FAM107B: variants seen among roughly 807,000 people sequenced by gnomAD.
FAM107B encodes protein FAM107B.
FAM107B carries 21 observed loss-of-function variants against 31.5 expected under a neutral mutation model. That is an observed-to-expected ratio of 0.67 (90% confidence interval 0.47 to 0.96). The LOEUF (loss-of-function observed/expected upper bound fraction) is 0.96. FAM107B is among the 40% of genes least tolerant of loss of function. FAM107B has a pLI of 0.00. For missense variants in FAM107B, 452 were observed against 377.1 expected (o/e 1.20, Z -1.64); for synonymous variants, 157 against 141.5 (o/e 1.11, Z -0.78).
chr10:14,701,710 A>AGTT (rs1446356989), intron 1 of FAM107B, among the ~76,000 whole-genome samples: 2 of 150,096 alleles, frequency 1.3e-5, no homozygotes, highest in African/African-American at 4.8e-5. Context: ...CTAGGCAAAG[A>AGTT]GTTGTTTTTT....
chr10:14,715,177 GT>G (rs988015766), intron 1 of FAM107B, among the ~76,000 whole-genome samples: 15 of 152,136 alleles, frequency 9.9e-5, no homozygotes, highest in Non-Finnish European at 1.9e-4. Context: ...AATACAAAGA[GT>G]GGGGGAAATA....
intron 2 of FAM107B, among the ~76,000 whole-genome samples, chr10:14,594,123 T>C (rs1368413379): frequency 6.6e-6 from 1 of 152,232 alleles, no homozygotes; most frequent in East Asian, 1.9e-4. Context: ...ATTCTGACAC[T>C]ATGCCTAAGA....
chr10:14,626,080 C>T (rs1426699142), intron 2 of FAM107B, among the ~76,000 whole-genome samples: 2 of 152,022 alleles, frequency 1.3e-5, no homozygotes, highest in South Asian at 2.1e-4. Flanking sequence ...CTTTTAAGAC[C>T]GTGGTTGTTT....
intron 1 of FAM107B, among the ~76,000 whole-genome samples, chr10:14,727,093 T>G (rs1856052894): frequency 6.6e-6 from 1 of 152,062 alleles, no homozygotes; most frequent in African/African-American, 2.4e-5. Context: ...GGGTTCACGC[T>G]TCTGTGAGTA....
chr10:14,723,668 C>G (rs1440023051), intron 1 of FAM107B: 2 of 740,368 alleles, frequency 2.7e-6, no homozygotes, highest in Non-Finnish European at 2.5e-6. Context: ...GGCTGGCAGT[C>G]AGCTCTGGGG....
At chr10:14,633,513 G>T (rs888489427) in intron 2 of FAM107B, among the ~76,000 whole-genome samples, 10 of 152,142 alleles carry the variant, frequency 6.6e-5, no homozygotes, top group African/African-American at 1.4e-4. Context: ...TTATTTCATT[G>T]ATTCATTCTT....
At chr10:14,647,623 T>A (rs1202907524) in intron 2 of FAM107B, among the ~76,000 whole-genome samples, 1 of 148,484 alleles carries the variant, frequency 6.7e-6, no homozygotes, top group Non-Finnish European at 1.5e-5. Context: ...AGGCGGAGGT[T>A]GCAGAGGAGC....
At chr10:14,714,380 G>T (rs901215881) in intron 1 of FAM107B, among the ~76,000 whole-genome samples, 5 of 152,230 alleles carry the variant, frequency 3.3e-5, no homozygotes, top group Admixed American at 2.0e-4. Context: ...CAGAGGTTTG[G>T]TGGACTGGCA....
intron 3 of FAM107B, among the ~76,000 whole-genome samples, chr10:14,523,705 A>G (rs1483651825): frequency 2.0e-5 from 3 of 152,330 alleles, no homozygotes; most frequent in Middle Eastern, 3.4e-3. Context: ...TGATCCCTTT[A>G]AAGTCCACAC....
chr10:14,537,962 C>T (rs1041144860), intron 2 of FAM107B, among the ~76,000 whole-genome samples: 1 of 152,056 alleles, frequency 6.6e-6, no homozygotes, highest in African/African-American at 2.4e-5. Flanking sequence ...AACAATAATG[C>T]TGTCACTGCT....
At chr10:14,661,293 G>C (rs928255286) in intron 2 of FAM107B, among the ~76,000 whole-genome samples, 2 of 152,160 alleles carry the variant, frequency 1.3e-5, no homozygotes, top group African/African-American at 2.4e-5. Flanking sequence ...CTGCGCTAAG[G>C]GGTGCCCAGA....
intron 2 of FAM107B, among the ~76,000 whole-genome samples, chr10:14,624,836 T>G (rs1365196822): frequency 6.6e-6 from 1 of 152,202 alleles, no homozygotes; most frequent in Non-Finnish European, 1.5e-5. Context: ...AGCACATACA[T>G]AAGGAAGTTC....
rs545685900 is a variant in FAM107B, at chr10:14,770,636, A to G, written c.411+3617T>C. Among the ~76,000 whole-genome samples the G allele has an allele frequency of 3.4e-3, 522 of 152,330 alleles. 2 individuals are homozygous for G. Among genetic ancestry groups the G allele is most frequent in the African/African-American group, 0.012 (490 of 41,568 alleles). On this transcript the variant is annotated intron_variant, in intron 1 of 4. Coordinates refer to ENST00000181796, the MANE Select transcript of FAM107B (RefSeq NM_031453.4). ...CAACTACAAGACCACTAAGAAGGGG[A>G]AAAGTTATCATTAAGAGGTACTAAC...
At chr10:14,590,701 G>T (rs1851986429) in intron 2 of FAM107B, among the ~76,000 whole-genome samples, 1 of 152,054 alleles carries the variant, frequency 6.6e-6, no homozygotes, top group African/African-American at 2.4e-5. Flanking sequence ...CCATTTCTCA[G>T]CCAGGCGTAG....
intron 1 of FAM107B, among the ~76,000 whole-genome samples, chr10:14,735,477 C>T (rs995542496): frequency 2.0e-5 from 3 of 152,134 alleles, no homozygotes; most frequent in Non-Finnish European, 2.9e-5. Context: ...CAAGATGATT[C>T]CTCAGGATGT....
intron 1 of FAM107B, among the ~76,000 whole-genome samples, chr10:14,743,136 T>A (rs535334480): frequency 5.0e-4 from 76 of 152,226 alleles, no homozygotes; most frequent in Non-Finnish European, 1.0e-3. Context: ...TTGAGCTTTT[T>A]TTCATATGTT....
intron 2 of FAM107B, chr10:14,572,235 G>T: frequency 1.0e-6 from 1 of 985,430 alleles, no homozygotes; most frequent in Non-Finnish European, 1.2e-6. Flanking sequence ...TGACCTTCCA[G>T]ACCAAGAGAA....
intron 2 of FAM107B, among the ~76,000 whole-genome samples, chr10:14,605,407 G>A (rs1186767652): frequency 1.3e-5 from 2 of 152,160 alleles, no homozygotes; most frequent in Non-Finnish European, 2.9e-5. Context: ...CAACAGGTTC[G>A]TGGATTTTAG....
chr10:14,732,651 T>A (rs1014179170), intron 1 of FAM107B, among the ~76,000 whole-genome samples: 2 of 151,858 alleles, frequency 1.3e-5, no homozygotes, highest in Non-Finnish European at 2.9e-5. Flanking sequence ...CACAACAGAA[T>A]TCTTGCTGAT....
Sources: gnomAD v4.1 joint callset for allele counts (sites outside exome capture counted in the v4.1 genomes callset) on GRCh38, gnomAD v4.1.1 for gene constraint, MANE v1.5 for transcripts, NCBI Gene and HGNC (gene_info 2026-07-23, HGNC 2026-07-21) for gene names.